NEK7: variants seen among roughly 807,000 people sequenced by gnomAD.
NEK7 encodes the protein NIMA related kinase 7.
In NEK7, 18 loss-of-function variants were observed where a neutral mutation model predicts 44.6. The ratio of observed to expected loss-of-function variants is 0.40; its 90% confidence interval spans 0.28 to 0.60. NEK7 has a LOEUF of 0.60. Ranked by LOEUF, NEK7 falls within the 20% of genes least tolerant of loss-of-function variation. The pLI is 0.38. For missense variants in NEK7, 256 were observed against 366.5 expected, an observed-to-expected ratio of 0.70 and a Z score of 2.46; for synonymous variants, 130 against 121.1, an observed-to-expected ratio of 1.07 and a Z score of -0.48.
intron 2 of NEK7, among the ~76,000 whole-genome samples, chr1:198,244,987 C>CT (rs940427926): frequency 1.3e-5 from 2 of 152,166 alleles, no homozygotes; most frequent in African/African-American, 4.8e-5. Flanking sequence ...CTACTGTTGA[C>CT]TAGAAGCCTT....
At chr1:198,252,727 CAT>C (rs1280823109) in intron 2 of NEK7, among the ~76,000 whole-genome samples, 2 of 149,720 alleles carry the variant, frequency 1.3e-5, no homozygotes, top group African/African-American at 2.5e-5. Flanking sequence ...TTTATTAAAA[CAT>C]GTATGTATGT....
intron 5 of NEK7, among the ~76,000 whole-genome samples, chr1:198,272,581 T>C (rs565229737): frequency 1.2e-4 from 18 of 151,948 alleles, no homozygotes; most frequent in Middle Eastern, 3.4e-3. Flanking sequence ...TTTATCTTTG[T>C]GACCTTCTAT....
intron 7 of NEK7, among the ~76,000 whole-genome samples, chr1:198,282,172 A>G (rs1339666801): frequency 1.3e-5 from 2 of 152,034 alleles, no homozygotes; most frequent in East Asian, 1.9e-4. Context: ...TTGGACTAAG[A>G]GATTACACTC....
At chr1:198,242,918 C>T (rs1666730978) in intron 2 of NEK7, among the ~76,000 whole-genome samples, 1 of 151,016 alleles carries the variant, frequency 6.6e-6, no homozygotes, top group African/African-American at 2.4e-5. Context: ...GATCCGCCTG[C>T]CTTGGCCTCC....
intron 2 of NEK7, among the ~76,000 whole-genome samples, chr1:198,242,473 C>CTT (rs35704352): frequency 1.0e-4 from 11 of 107,112 alleles, no homozygotes; most frequent in Admixed American, 5.8e-4. Flanking sequence ...TCTCAGCTCA[C>CTT]TTTTTTTTTT....
intron 1 of NEK7, among the ~76,000 whole-genome samples, chr1:198,226,541 T>C (rs1204554114): frequency 6.7e-6 from 1 of 149,502 alleles, no homozygotes; most frequent in African/African-American, 2.5e-5. Context: ...CGATATTGCG[T>C]CTCAAAAAAA....
chr1:198,268,284 A>G (rs1653719227), intron 5 of NEK7, among the ~76,000 whole-genome samples: 1 of 151,888 alleles, frequency 6.6e-6, no homozygotes, highest in Non-Finnish European at 1.5e-5. Flanking sequence ...ATATGGCTCA[A>G]TATGTCTGTA....
At chr1:198,163,430 C>T (rs1282204375) in intron 1 of NEK7, among the ~76,000 whole-genome samples, 2 of 151,756 alleles carry the variant, frequency 1.3e-5, no homozygotes, top group African/African-American at 4.8e-5. Flanking sequence ...TGGAGGATGG[C>T]TTGAGTCTAG....
At chr1:198,196,992 G>A (rs149524969) in intron 1 of NEK7, among the ~76,000 whole-genome samples, 98 of 152,250 alleles carry the variant, frequency 6.4e-4, no homozygotes, top group African/African-American at 2.3e-3. Context: ...GACTTTTTGT[G>A]TACCACTAAA....
intron 9 of NEK7, among the ~76,000 whole-genome samples, chr1:198,300,405 T>C (rs1654848709): frequency 6.6e-6 from 1 of 152,236 alleles, no homozygotes; most frequent in Non-Finnish European, 1.5e-5. Context: ...TCCATAAATT[T>C]TCATGCTTTT....
At chr1:198,210,639 G>A (rs567137991) in intron 1 of NEK7, among the ~76,000 whole-genome samples, 157 of 149,220 alleles carry the variant, frequency 1.1e-3, no homozygotes, top group Non-Finnish European at 2.0e-3. Flanking sequence ...TTTCTAGAAA[G>A]GTTATATACC....
At chr1:198,249,811 C>T (rs560843718) in intron 2 of NEK7, among the ~76,000 whole-genome samples, 8 of 115,612 alleles carry the variant, frequency 6.9e-5, no homozygotes, top group South Asian at 3.6e-4. Flanking sequence ...GAGTGGGTTG[C>T]GAAAATTTTC....
At chr1:198,251,411 C>G (rs1413864436) in intron 2 of NEK7, among the ~76,000 whole-genome samples, 1 of 130,032 alleles carries the variant, frequency 7.7e-6, no homozygotes, top group African/African-American at 3.1e-5. Context: ...AGGGAGGATT[C>G]TCTCTTTTTC....
intron 2 of NEK7, among the ~76,000 whole-genome samples, chr1:198,245,822 TC>T (rs1666820308): frequency 6.6e-6 from 1 of 152,126 alleles, no homozygotes; most frequent in Non-Finnish European, 1.5e-5. Context: ...TTAAGGAACT[TC>T]AAGAAACTGA....
chr1:198,157,265 C>G lies in NEK7; in HGVS notation c.-40C>G, dbSNP rs538736489. 2.0e-5 allele frequency: 3 copies of G among 152,178 alleles called. 1 individual carries two copies. The South Asian group carries it at 6.2e-4, about 31-fold the overall frequency. 9.4% of individuals were successfully genotyped at this position (152,178 alleles called of 1,614,324 possible). A position where few individuals can be genotyped will look rare whatever the true frequency, so the allele number is the denominator to read the frequency against. On this transcript the variant is annotated 5_prime_UTR_variant, in exon 1 of 10. Transcript: ENST00000367385. ...CTCGCGGGCGGGAGAACGGAAAACTCCCAACTTCCTGGTGAGTCGCTGCCC... is the reference window on the plus strand; with the variant it reads ...CTCGCGGGCGGGAGAACGGAAAACTGCCAACTTCCTGGTGAGTCGCTGCCC...
chr1:198,292,159 T>C (rs921998383), intron 7 of NEK7, among the ~76,000 whole-genome samples: 1 of 152,082 alleles, frequency 6.6e-6, no homozygotes, highest in Non-Finnish European at 1.5e-5. Context: ...GAAAGTCACT[T>C]AAATATTTTT....
At chr1:198,282,300 G>C (rs1654226784) in intron 7 of NEK7, among the ~76,000 whole-genome samples, 1 of 151,986 alleles carries the variant, frequency 6.6e-6, no homozygotes, top group Non-Finnish European at 1.5e-5. Flanking sequence ...GTTCCTTGTT[G>C]CCTGAAGAAT....
chr1:198,303,540 G>T, intron 9 of NEK7, among the ~76,000 whole-genome samples: 1 of 151,628 alleles, frequency 6.6e-6, no homozygotes, highest in Non-Finnish European at 1.5e-5. Context: ...TTGCATCTTT[G>T]AAGTTAAATT....
intron 9 of NEK7, among the ~76,000 whole-genome samples, chr1:198,311,602 G>T (rs1436189491): frequency 6.6e-6 from 1 of 151,872 alleles, no homozygotes; most frequent in Non-Finnish European, 1.5e-5. Context: ...ATTATTTTGA[G>T]ATATGTCCCA....
Sources: gnomAD v4.1 joint callset for allele counts (sites outside exome capture counted in the v4.1 genomes callset) on GRCh38, gnomAD v4.1.1 for gene constraint, MANE v1.5 for transcripts, NCBI Gene and HGNC (gene_info 2026-07-23, HGNC 2026-07-21) for gene names.